The following CACNA1A variants were observed in gnomAD, a reference collection of about 807,000 sequenced individuals.
The protein encoded by CACNA1A is calcium voltage-gated channel subunit alpha1 A.
In CACNA1A, 57 loss-of-function variants were observed where a neutral mutation model predicts 262.4. That is an observed-to-expected ratio of 0.22 (90% CI 0.18 to 0.27). The LOEUF (loss-of-function observed/expected upper bound fraction) is 0.27. Among genes scored for constraint, CACNA1A ranks in the 10% least tolerant of loss-of-function variants. The pLI is 1.00. For missense variants in CACNA1A, 2,526 were observed against 3,562.8 expected (o/e 0.71, Z 7.41); for synonymous variants, 1,431 against 1,419.3 (o/e 1.01, Z -0.18).
intron 19 of CACNA1A, among the ~76,000 whole-genome samples, chr19:13,291,444 CAA>C (rs1212504087): frequency 2.6e-5 from 4 of 151,558 alleles, no homozygotes; most frequent in Non-Finnish European, 5.9e-5. Flanking sequence ...TTCAGAGAGG[CAA>C]AGTTACCCAG....
At chr19:13,353,223 ATCC>A (rs1308123943) in intron 6 of CACNA1A, among the ~76,000 whole-genome samples, 1 of 151,216 alleles carries the variant, frequency 6.6e-6, no homozygotes, top group Non-Finnish European at 1.5e-5. Flanking sequence ...AAGTGATCCT[ATCC>A]TCCTGTCTCA....
chr19:13,271,269 G>T (rs1351241244), intron 24 of CACNA1A: 1 of 128,128 alleles, frequency 7.8e-6, no homozygotes, highest in Non-Finnish European at 1.6e-5. Context: ...CACCCAGGCT[G>T]GAGTGCAGTG....
intron 6 of CACNA1A, among the ~76,000 whole-genome samples, chr19:13,337,421 C>T (rs1386754713): frequency 6.6e-6 from 1 of 152,098 alleles, no homozygotes; most frequent in Admixed American, 6.6e-5. Context: ...TGTGAGTGTG[C>T]CTGTCTCTGT....
At chr19:13,470,731 G>A (rs1357660102) in intron 1 of CACNA1A, among the ~76,000 whole-genome samples, 1 of 152,094 alleles carries the variant, frequency 6.6e-6, no homozygotes, top group Non-Finnish European at 1.5e-5. Flanking sequence ...TCTGCCTTCT[G>A]GGTTGGCTTG....
At chr19:13,220,208 C>G (rs758852637) in intron 38 of CACNA1A, among the ~76,000 whole-genome samples, 16 of 151,878 alleles carry the variant, frequency 1.1e-4, no homozygotes, top group Non-Finnish European at 2.2e-4. Flanking sequence ...TTGCAGTGAA[C>G]TGAGATCACA....
At chr19:13,283,706 T>C (rs1421759060) in intron 21 of CACNA1A, 4 of 226,284 alleles carry the variant, frequency 1.8e-5, no homozygotes, top group Non-Finnish European at 3.5e-5. Context: ...CTTAATTCTG[T>C]AGGAGATAAA....
At chr19:13,277,665 T>A (rs1423896774) in intron 22 of CACNA1A, 1 of 156,106 alleles carries the variant, frequency 6.4e-6, no homozygotes, top group African/African-American at 2.4e-5. Flanking sequence ...CCAGGCCTGA[T>A]GTTTCTGCCT....
chr19:13,499,450 T>TGGGGGGGGGGGG (rs199603194), intron 1 of CACNA1A, among the ~76,000 whole-genome samples: 1 of 85,978 alleles, frequency 1.2e-5, no homozygotes, highest in East Asian at 2.9e-4. Flanking sequence ...CAGGGGGTGG[T>TGGGGGGGGGGGG]GGGGGGGGGC....
intron 3 of CACNA1A, among the ~76,000 whole-genome samples, chr19:13,437,649 C>T (rs1191658959): frequency 1.3e-5 from 2 of 148,786 alleles, no homozygotes; most frequent in African/African-American, 5.0e-5. Context: ...CAAGATCACG[C>T]CACTGCACTC....
intron 3 of CACNA1A, among the ~76,000 whole-genome samples, chr19:13,442,087 T>C (rs1366062187): frequency 6.6e-6 from 1 of 152,120 alleles, no homozygotes; most frequent in Non-Finnish European, 1.5e-5. Flanking sequence ...CTGAAACCTG[T>C]AACCCGCTAA....
chr19:13,212,694 G>C lies in CACNA1A; in HGVS notation c.5987C>G (p.Thr1996Arg), dbSNP rs778274864. 5 of 1,510,744 alleles carry C rather than the reference G, an allele frequency of 3.3e-6. No individual in the cohort carries two copies. The highest frequency in any genetic ancestry group is 1.4e-5 in the South Asian group (1 of 73,930). 93.6% of individuals were successfully genotyped at this position (1,510,744 alleles called of 1,614,324 possible). Residue 1996 changes from threonine to arginine, a missense_variant, in exon 41 of 47, where the codon ACG becomes AGG. Transcript: ENST00000360228. This position sits in a 1 kb window ranked among gnomAD's most constrained non-coding sequence, Gnocchi z 5.6. ...MFQRMEPPSPTQEGGPGQNAL... is the reference protein window; with the variant it reads ...MFQRMEPPSPRQEGGPGQNAL... ...GTTCTGGCCAGGTCCCCCTTCCTGC[G>C]TTGGGGACGGGGGCTCCATGCGCTG...
At chr19:13,343,494 GTGTC>G (rs1173707632) in intron 6 of CACNA1A, among the ~76,000 whole-genome samples, 3 of 151,908 alleles carry the variant, frequency 2.0e-5, no homozygotes, top group Non-Finnish European at 4.4e-5. Context: ...AGGTGAGAAA[GTGTC>G]TGTCTCTTGC....
chr19:13,367,551 C>G (rs1244761760), intron 4 of CACNA1A, among the ~76,000 whole-genome samples: 1 of 151,984 alleles, frequency 6.6e-6, no homozygotes, highest in Non-Finnish European at 1.5e-5. Flanking sequence ...TATGGTGAAA[C>G]CCCGTCTCTA....
intron 4 of CACNA1A, among the ~76,000 whole-genome samples, chr19:13,370,194 G>A (rs1471293614): frequency 2.6e-5 from 4 of 151,628 alleles, no homozygotes; most frequent in Non-Finnish European, 1.5e-5. Context: ...TCCGCCCCCC[G>A]GGTTCAAGTG....
At chr19:13,492,792 C>A (rs1334838104) in intron 1 of CACNA1A, among the ~76,000 whole-genome samples, 1 of 152,168 alleles carries the variant, frequency 6.6e-6, no homozygotes, top group African/African-American at 2.4e-5. Flanking sequence ...CCTCCCTGCC[C>A]TCACGTCCTC....
At chr19:13,492,742 C>G (rs1172723912) in intron 1 of CACNA1A, among the ~76,000 whole-genome samples, 3 of 152,128 alleles carry the variant, frequency 2.0e-5, no homozygotes, top group Non-Finnish European at 4.4e-5. Context: ...ACAAAATCCT[C>G]ACCATAGTTC....
chr19:13,505,535 T>G (rs951948666), intron 1 of CACNA1A, among the ~76,000 whole-genome samples: 1 of 152,056 alleles, frequency 6.6e-6, no homozygotes, highest in African/African-American at 2.4e-5. Flanking sequence ...ATAGTTCCCC[T>G]GCCCTGGCCA....
intron 37 of CACNA1A, 61 bp downstream of exon 37, chr19:13,227,370 A>T: frequency 1.7e-6 from 1 of 595,808 alleles, no homozygotes; most frequent in Non-Finnish European, 2.7e-6. Context: ...AAAAAAAAAG[A>T]AGAAGAAGAA....
At chr19:13,321,757 G>A (rs2058257866) in intron 10 of CACNA1A, among the ~76,000 whole-genome samples, 1 of 152,156 alleles carries the variant, frequency 6.6e-6, no homozygotes, top group South Asian at 2.1e-4. Context: ...CATGAATGGA[G>A]CTTGCAGGAC....
Sources: allele counts gnomAD v4.1 joint callset (sites outside exome capture counted in the v4.1 genomes callset), GRCh38; gene constraint gnomAD v4.1.1; non-coding constraint Gnocchi (gnomAD v3.1); transcripts MANE v1.5; gene names NCBI Gene and HGNC (gene_info 2026-07-23, HGNC 2026-07-21).